DAB2IP: variants seen among roughly 807,000 people sequenced by gnomAD.
DAB2IP encodes DAB2 interacting protein, also known as disabled homolog 2-interacting protein.
Under a neutral mutation model 107.2 loss-of-function variants are expected in DAB2IP, and 28 were observed. The observed-to-expected ratio is 0.26, with a 90% CI of 0.19 to 0.36. The LOEUF is 0.36. DAB2IP is among the 10% of genes least tolerant of loss of function. DAB2IP has a pLI of 1.00. For missense variants in DAB2IP, 1,400 were observed against 1,644.7 expected, an observed-to-expected ratio of 0.85 and a Z score of 2.57; for synonymous variants, 755 against 706.4, an observed-to-expected ratio of 1.07 and a Z score of -1.09.
intron 1 of DAB2IP, among the ~76,000 whole-genome samples, chr9:121,609,649 G>C (rs771222274): frequency 6.6e-6 from 1 of 152,254 alleles, no homozygotes; most frequent in South Asian, 2.1e-4. Context: ...CAAGATGTAA[G>C]CTGGACAGAC....
At chr9:121,596,906 T>C (rs1156922650) in intron 1 of DAB2IP, among the ~76,000 whole-genome samples, 1 of 152,232 alleles carries the variant, frequency 6.6e-6, no homozygotes, top group African/African-American at 2.4e-5. Context: ...CACTTCTTTG[T>C]TTTTGCACCA....
chr9:121,620,630 C>T (rs1234372741), intron 1 of DAB2IP, among the ~76,000 whole-genome samples: 1 of 152,152 alleles, frequency 6.6e-6, no homozygotes, highest in Non-Finnish European at 1.5e-5. Flanking sequence ...TTGCTTGGGG[C>T]CTTGGCCAGC....
intron 3 of DAB2IP, among the ~76,000 whole-genome samples, chr9:121,726,596 A>G (rs1438685930): frequency 6.6e-6 from 1 of 152,202 alleles, no homozygotes; most frequent in African/African-American, 2.4e-5. Flanking sequence ...ATCTGATGCT[A>G]TCTCCAGGTA....
intron 3 of DAB2IP, among the ~76,000 whole-genome samples, chr9:121,708,448 G>C (rs1016316345): frequency 1.1e-4 from 17 of 152,216 alleles, no homozygotes; most frequent in Non-Finnish European, 2.4e-4. Context: ...GGCTCCCATT[G>C]TGAAAAGCTC....
chr9:121,622,070 C>A lies in DAB2IP; in HGVS notation c.40+54842C>A, dbSNP rs1448830183. On this transcript the variant is annotated intron_variant, in intron 1 of 16. Coordinates refer to the DAB2IP transcript ENST00000259371. Reference sequence around the variant, plus strand: ...GTGGCGCGATCTCAGCTCACTGCAACCTCTGCCTCCTGGGCTCAAGCGATT... The same window carrying A: ...GTGGCGCGATCTCAGCTCACTGCAAACTCTGCCTCCTGGGCTCAAGCGATT... 2.0e-5 allele frequency among the ~76,000 whole-genome samples: 3 copies of A among 148,682 alleles called. No homozygotes were observed. The Admixed American group carries it at 2.0e-4, about 10-fold the overall frequency.
chr9:121,768,421 C>A lies in DAB2IP; in HGVS notation c.1698-11C>A. The A allele has an allele frequency of 6.2e-7, 1 of 1,614,092 alleles. No homozygotes were observed. The stretch of plus-strand genomic sequence containing the variant: ...GGCCCAGTAGTGCTCACCCAACTGC[C>A]CTCTCTCCAGATTTGGCAGCAAGGA... On this transcript the variant is annotated splice_polypyrimidine_tract_variant and intron_variant, in intron 9 of 15. Transcript: ENST00000408936.
chr9:121,726,495 G>A (rs1244956464), intron 3 of DAB2IP, among the ~76,000 whole-genome samples: 3 of 152,214 alleles, frequency 2.0e-5, no homozygotes, highest in East Asian at 1.9e-4. Flanking sequence ...ATAGCCAGTC[G>A]GTGGGAAGCA....
intron 1 of DAB2IP, chr9:121,576,147 C>T (rs1309789097): frequency 2.6e-5 from 4 of 152,260 alleles, no homozygotes; most frequent in Non-Finnish European, 4.4e-5. Flanking sequence ...ACTCATCCTT[C>T]GTGCACAGCC....
At chr9:121,724,342 CTCT>C (rs1280332839) in intron 3 of DAB2IP, among the ~76,000 whole-genome samples, 3 of 152,100 alleles carry the variant, frequency 2.0e-5, no homozygotes, top group African/African-American at 7.2e-5. Flanking sequence ...TCCTTGTTCC[CTCT>C]TCTTCTCTTC....
At chr9:121,696,219 C>T (rs1229269164) in intron 2 of DAB2IP, among the ~76,000 whole-genome samples, 1 of 152,208 alleles carries the variant, frequency 6.6e-6, no homozygotes. Context: ...GCCCCCCACC[C>T]ACTTCAGAGA....
rs183914881 is a variant in DAB2IP, at chr9:121,607,579, A to G, written c.40+40351A>G. Among the ~76,000 whole-genome samples the G allele has an allele frequency of 5.2e-4, 79 of 152,258 alleles. No homozygotes were observed. In the East Asian group the frequency reaches 0.014, roughly 26 times the overall value. ...CAATCTTCCCACTTTGGCCTCCCAA[A>G]GTGCTGAGATTACAGACATGAGTCA... On this transcript the variant is annotated intron_variant, in intron 1 of 16. Coordinates refer to the DAB2IP transcript ENST00000259371.
intron 3 of DAB2IP, among the ~76,000 whole-genome samples, chr9:121,724,161 G>A (rs1255239852): frequency 6.6e-6 from 1 of 152,040 alleles, no homozygotes; most frequent in African/African-American, 2.4e-5. Flanking sequence ...ACCCTGCACC[G>A]AGCCCTAGAC....
At chr9:121,764,441 G>A (rs1272463863) in intron 8 of DAB2IP, among the ~76,000 whole-genome samples, 1 of 152,262 alleles carries the variant, frequency 6.6e-6, no homozygotes, top group East Asian at 1.9e-4. Flanking sequence ...AGGCCCCTCA[G>A]CAGGACCGGA....
Position 121,731,880 on chromosome 9 carries a change from A to G in DAB2IP, c.363-25133A>G, listed in dbSNP as rs184133954. ...TGAGTTCCCTGACCTTTCAGGAAGC[A>G]TGCATGTGAACTTAGGCCTCGGACC... On this transcript the variant is annotated intron_variant, in intron 3 of 15. Coordinates refer to ENST00000408936, the Ensembl canonical transcript of DAB2IP. Among the ~76,000 whole-genome samples the G allele has an allele frequency of 1.8e-3, 273 of 152,302 alleles. 5 individuals are homozygous for G. Among genetic ancestry groups the G allele is most frequent in the African/African-American group, 6.2e-3 (258 of 41,560 alleles).
intron 2 of DAB2IP, among the ~76,000 whole-genome samples, chr9:121,685,108 G>T (rs1333654529): frequency 6.6e-6 from 1 of 152,144 alleles, no homozygotes; most frequent in Non-Finnish European, 1.5e-5. Flanking sequence ...GCGGATGGGC[G>T]GGGTGGTGGA....
intron 14 of DAB2IP, among the ~76,000 whole-genome samples, chr9:121,781,212 C>T (rs535373361): frequency 2.6e-5 from 4 of 152,110 alleles, no homozygotes; most frequent in East Asian, 3.9e-4. Context: ...AGGGGCAGCC[C>T]GGGGGCCTCT....
chr9:121,723,888 C>T (rs1831080504), intron 3 of DAB2IP, among the ~76,000 whole-genome samples: 1 of 152,112 alleles, frequency 6.6e-6, no homozygotes, highest in African/African-American at 2.4e-5. Flanking sequence ...GGACCTTGAT[C>T]AAGGTACTTC....
At chr9:121,700,950 T>C (rs1829742758) in intron 3 of DAB2IP, among the ~76,000 whole-genome samples, 1 of 152,180 alleles carries the variant, frequency 6.6e-6, no homozygotes, top group African/African-American at 2.4e-5. Flanking sequence ...TTTGAAAATC[T>C]CGCTTCCCAT....
At chr9:121,706,343 G>A (rs1255892899) in intron 3 of DAB2IP, among the ~76,000 whole-genome samples, 1 of 152,212 alleles carries the variant, frequency 6.6e-6, no homozygotes, top group African/African-American at 2.4e-5. Context: ...CCCTCCAGGG[G>A]CCTGTGGGCT....
Sources: gnomAD v4.1 joint callset for allele counts (sites outside exome capture counted in the v4.1 genomes callset) on GRCh38, gnomAD v4.1.1 for gene constraint, MANE v1.5 for transcripts, NCBI Gene and HGNC (gene_info 2026-07-23, HGNC 2026-07-21) for gene names.